CUX1: variants seen among roughly 807,000 people sequenced by gnomAD.
The protein encoded by CUX1 is cut like homeobox 1.
In CUX1, 31 loss-of-function variants were observed where a neutral mutation model predicts 158.8. The ratio of observed to expected loss-of-function variants is 0.20; its 90% CI spans 0.15 to 0.26. The LOEUF (loss-of-function observed/expected upper bound fraction) is 0.26. Ranked by LOEUF, CUX1 falls within the 10% of genes least tolerant of loss-of-function variation. The pLI is 1.00. For synonymous variants in CUX1, 879 were observed against 862.1 expected (o/e 1.02, Z -0.34); for missense variants, 1,589 against 2,014.6 (o/e 0.79, Z 4.04).
intron 2 of CUX1, among the ~76,000 whole-genome samples, chr7:101,923,762 T>C (rs561004599): frequency 1.6e-4 from 25 of 152,356 alleles, no homozygotes; most frequent in African/African-American, 5.5e-4. Flanking sequence ...CTGGCTCTTG[T>C]TGGCTGCGGC....
chr7:102,101,381 A>C (rs1554486313), intron 5 of CUX1, among the ~76,000 whole-genome samples: 2 of 152,126 alleles, frequency 1.3e-5, no homozygotes, highest in African/African-American at 4.8e-5. Context: ...TGAGACACCC[A>C]GCATCTGCCC....
intron 2 of CUX1, among the ~76,000 whole-genome samples, chr7:101,920,099 ATATTT>A (rs912756794): frequency 1.3e-5 from 2 of 149,782 alleles, no homozygotes; most frequent in African/African-American, 2.5e-5. Context: ...CCTGGCTAGT[ATATTT>A]TATTTTATTT....
At chr7:102,048,122 A>G (rs1823032703) in intron 3 of CUX1, among the ~76,000 whole-genome samples, 1 of 152,148 alleles carries the variant, frequency 6.6e-6, no homozygotes, top group African/African-American at 2.4e-5. Context: ...TGCTGGGGGC[A>G]TCATCATCAT....
intron 2 of CUX1, among the ~76,000 whole-genome samples, chr7:101,975,863 G>A (rs948496789): frequency 4.6e-5 from 7 of 152,004 alleles, no homozygotes; most frequent in Admixed American, 1.3e-4. Flanking sequence ...AATTAAGGCC[G>A]GGCACAGCTG....
intron 1 of CUX1, among the ~76,000 whole-genome samples, chr7:101,833,830 A>G (rs987232201): frequency 2.0e-5 from 3 of 152,050 alleles, no homozygotes; most frequent in Non-Finnish European, 2.9e-5. Flanking sequence ...TGTTAGGAGG[A>G]GGCGATTTTG....
intron 6 of CUX1, among the ~76,000 whole-genome samples, chr7:102,111,176 A>G (rs1830843259): frequency 1.3e-5 from 2 of 152,126 alleles, no homozygotes; most frequent in African/African-American, 4.8e-5. Flanking sequence ...GATCCTGGGA[A>G]ATCTGAATCT....
At chr7:101,882,739 G>C (rs1020131457) in intron 1 of CUX1, among the ~76,000 whole-genome samples, 18 of 152,158 alleles carry the variant, frequency 1.2e-4, no homozygotes, top group Non-Finnish European at 1.5e-5. Context: ...GAATCTGCAC[G>C]TGGGTCCTTG....
intron 2 of CUX1, among the ~76,000 whole-genome samples, chr7:102,008,978 G>T (rs1050947744): frequency 1.2e-4 from 18 of 152,288 alleles, no homozygotes; most frequent in Admixed American, 1.0e-3. Context: ...GCAGGGGAGA[G>T]AAGGGAGGTA....
At position 102,201,811 on chromosome 7, in the gene CUX1, C is replaced by T. The variant is rs781947787; in HGVS notation, c.2514C>T (p.Ser838=). The change falls in exon 18 of 24, where the codon TCC becomes TCT. Residue 838 remains serine (S), a synonymous_variant. Transcript: ENST00000292535. The surrounding 1 kb of genome is among the most constrained non-coding windows in gnomAD (Gnocchi z 5.0). Reference sequence around the variant, plus strand: ...CGGAGAGAAGAAATGCCGCCTCCTCCGAGGAGGCCAAGGCCGAAGAAACGG... The same window carrying T: ...CGGAGAGAAGAAATGCCGCCTCCTCTGAGGAGGCCAAGGCCGAAGAAACGG... ...VQPERRNAAS[S]EEAKAEETGG... The T allele has an allele frequency of 1.2e-5, 19 of 1,612,826 alleles. No homozygotes were observed. Among genetic ancestry groups the T allele is most frequent in the South Asian group, 4.4e-5 (4 of 91,076 alleles).
chr7:102,103,063 T>C (rs1554487034), intron 5 of CUX1, among the ~76,000 whole-genome samples: 1 of 152,180 alleles, frequency 6.6e-6, no homozygotes, highest in East Asian at 1.9e-4. Context: ...CAGTTGGTGG[T>C]ACCAGAGCCG....
At chr7:101,817,564 C>A, upstream of CUX1, 2 of 1,351,498 alleles carry the variant, frequency 1.5e-6, no homozygotes, top group Non-Finnish European at 1.9e-6. This position sits in a 1 kb window ranked among gnomAD's most constrained non-coding sequence, Gnocchi z 4.1. Context: ...AGGAGCGGCG[C>A]ACCCTTAGGG....
chr7:102,006,686 G>C (rs1325829194), intron 2 of CUX1, among the ~76,000 whole-genome samples: 1 of 152,182 alleles, frequency 6.6e-6, no homozygotes, highest in Non-Finnish European at 1.5e-5. Flanking sequence ...CCCGGCCCTA[G>C]AATGAATTTT....
intron 1 of CUX1, among the ~76,000 whole-genome samples, chr7:101,857,148 C>G (rs1044207601): frequency 6.6e-6 from 1 of 152,206 alleles, no homozygotes; most frequent in Non-Finnish European, 1.5e-5. Context: ...TTACCCCGCC[C>G]GGTGTTAGCG....
intron 9 of CUX1, among the ~76,000 whole-genome samples, chr7:102,167,894 G>A (rs556222040): frequency 6.7e-4 from 101 of 151,872 alleles, no homozygotes; most frequent in Non-Finnish European, 1.2e-3. Flanking sequence ...CCTGGCCAGC[G>A]TGGCAAAACC....
intron 8 of CUX1, chr7:102,154,601 C>CAAAT (rs56874742): frequency 0.13 from 19,950 of 148,678 alleles, 1,395 homozygotes; most frequent in Middle Eastern, 0.17. Flanking sequence ...AGCTTGTCTC[C>CAAAT]AAATAAATAA....
At chr7:101,863,447 T>A (rs1797666920) in intron 1 of CUX1, among the ~76,000 whole-genome samples, 2 of 151,478 alleles carry the variant, frequency 1.3e-5, no homozygotes, top group Admixed American at 6.6e-5. Context: ...GCCTCTTGAG[T>A]TAAAGCGATT....
chr7:101,845,537 G>C (rs1795600648), intron 1 of CUX1, among the ~76,000 whole-genome samples: 1 of 152,180 alleles, frequency 6.6e-6, no homozygotes, highest in South Asian at 2.1e-4. Context: ...GTGTGGGGAT[G>C]AAAGTGGGGA....
intron 3 of CUX1, among the ~76,000 whole-genome samples, chr7:102,044,427 T>A (rs957797244): frequency 3.2e-4 from 49 of 151,908 alleles, no homozygotes; most frequent in Non-Finnish European, 5.9e-5. Context: ...TGACCTCAGG[T>A]GATCTGCCTG....
In CUX1 at chr7:101,910,838, A is replaced by G. The variant is rs1803354425; in HGVS notation, c.31-5277A>G. On this transcript the variant is annotated intron_variant, in intron 1 of 23. Transcript: ENST00000292535. ...AAAAATTTTCCCACTATTTCTGTTA[A>G]GCAGACAGCTGGTTACATGGTAGTT... Among the ~76,000 whole-genome samples the G allele has an allele frequency of 2.6e-5, 4 of 152,102 alleles. No homozygotes were observed. The South Asian group carries it at 8.3e-4, about 32-fold the overall frequency.
Sources: allele counts gnomAD v4.1 joint callset (sites outside exome capture counted in the v4.1 genomes callset), GRCh38; gene constraint gnomAD v4.1.1; non-coding constraint Gnocchi (gnomAD v3.1); transcripts MANE v1.5; gene names NCBI Gene and HGNC (gene_info 2026-07-23, HGNC 2026-07-21).